The following WDPCP variants were observed in gnomAD, a reference collection of about 807,000 sequenced individuals.
WDPCP encodes the protein WD repeat containing planar cell polarity effector.
WDPCP carries 71 observed loss-of-function variants against 93.1 expected under a neutral mutation model. That is an observed-to-expected ratio of 0.76 (90% CI 0.63 to 0.93). The LOEUF is 0.93. Among genes scored for constraint, WDPCP ranks in the 40% least tolerant of loss-of-function variants. WDPCP has a pLI of 0.00. For synonymous variants in WDPCP, 315 were observed against 315.0 expected, an observed-to-expected ratio of 1.00 and a Z score of 0.00; for missense variants, 844 against 887.4, an observed-to-expected ratio of 0.95 and a Z score of 0.62.
chr2:63,671,805 T>C (rs1710351409), intron 2 of WDPCP, among the ~76,000 whole-genome samples: 1 of 152,188 alleles, frequency 6.6e-6, no homozygotes, highest in Non-Finnish European at 1.5e-5. Context: ...CAGCTCTCAA[T>C]ACTCGTTATA....
chr2:63,404,076 T>G lies in WDPCP; in HGVS notation c.1407A>C (p.Gly469=). The change falls in exon 10 of 18, where the codon GGA becomes GGC. Residue 469 remains glycine, a synonymous_variant. Coordinates refer to ENST00000272321, the MANE Select transcript of WDPCP (RefSeq NM_015910.7). ...GTTTAAACAACAGCACACCCAAAGG[T>G]CCTCTTTCAAACCTGAGGAAGAGGA... ...YDLLFLRFER[G]PLGVLLFKLG... 6.2e-7 allele frequency: 1 copy of G among 1,614,072 alleles called. No individual in the cohort carries two copies. Among genetic ancestry groups the G allele is most frequent in the Non-Finnish European group, 8.5e-7 (1 of 1,179,974 alleles).
chr2:63,503,911 A>G (rs1186534543), intron 1 of WDPCP, among the ~76,000 whole-genome samples: 1 of 151,832 alleles, frequency 6.6e-6, no homozygotes, highest in Admixed American at 6.6e-5. Flanking sequence ...TCAAATGAAA[A>G]AAAAAAAAAA....
chr2:63,524,729 A>T (rs899648531), intron 1 of WDPCP, among the ~76,000 whole-genome samples: 14 of 152,244 alleles, frequency 9.2e-5, no homozygotes, highest in African/African-American at 3.1e-4. Flanking sequence ...AAAGCAATGC[A>T]ATAAAAGCAA....
intron 2 of WDPCP, among the ~76,000 whole-genome samples, chr2:63,754,804 C>A (rs1278734588): frequency 6.6e-6 from 1 of 152,218 alleles, no homozygotes; most frequent in Non-Finnish European, 1.5e-5. Context: ...TCTGCTGCTG[C>A]ATAACAAACT....
intron 2 of WDPCP, among the ~76,000 whole-genome samples, chr2:63,782,740 A>G (rs796659590): frequency 4.1e-4 from 58 of 141,242 alleles, no homozygotes; most frequent in African/African-American, 8.5e-4. Context: ...CACAGGCAAC[A>G]TGTGTGTGTG....
chr2:63,167,668 C>T (rs1673083194), intron 15 of WDPCP, among the ~76,000 whole-genome samples: 1 of 152,094 alleles, frequency 6.6e-6, no homozygotes, highest in Non-Finnish European at 1.5e-5. Context: ...AAGTAACATA[C>T]CTTTTTTGTA....
chr2:63,758,626 G>A (rs550296466), intron 2 of WDPCP, among the ~76,000 whole-genome samples: 1 of 152,170 alleles, frequency 6.6e-6, no homozygotes, highest in East Asian at 1.9e-4. Flanking sequence ...TTTTTGTAGA[G>A]ATAGGCTTTC....
intron 1 of WDPCP, among the ~76,000 whole-genome samples, chr2:63,522,958 G>A (rs1360701595): frequency 2.0e-5 from 3 of 152,168 alleles, no homozygotes; most frequent in Non-Finnish European, 2.9e-5. Flanking sequence ...CTCATTCTAT[G>A]AGGCCAGCAT....
upstream of WDPCP, among the ~76,000 whole-genome samples, chr2:63,829,916 C>A (rs924575253): frequency 6.6e-6 from 1 of 152,074 alleles, no homozygotes; most frequent in Non-Finnish European, 1.5e-5. Context: ...GTTATTAAAT[C>A]TACACCTATT....
chr2:63,646,532 AT>A (rs1297230085), intron 3 of WDPCP, among the ~76,000 whole-genome samples: 17 of 148,330 alleles, frequency 1.1e-4, no homozygotes, highest in Middle Eastern at 3.5e-3. Context: ...GCTTGTTCAC[AT>A]TTTTTTTTTC....
intron 1 of WDPCP, among the ~76,000 whole-genome samples, chr2:63,527,325 C>G (rs1703419292): frequency 6.7e-6 from 1 of 150,108 alleles, no homozygotes; most frequent in Non-Finnish European, 1.5e-5. Flanking sequence ...CACCCATTAT[C>G]TCGTCATTTA....
chr2:63,656,945 A>G (rs569872485), intron 2 of WDPCP, among the ~76,000 whole-genome samples: 2 of 152,324 alleles, frequency 1.3e-5, no homozygotes, highest in Admixed American at 6.5e-5. Context: ...AATAACCATG[A>G]GACTATCTAG....
At chr2:63,397,434 C>T (rs768160842) in intron 10 of WDPCP, among the ~76,000 whole-genome samples, 4 of 151,984 alleles carry the variant, frequency 2.6e-5, no homozygotes, top group Admixed American at 6.6e-5. Context: ...ATTCAGCAAG[C>T]CAGATGAATA....
intron 14 of WDPCP, among the ~76,000 whole-genome samples, chr2:63,210,409 A>G (rs1676682526): frequency 6.6e-6 from 1 of 152,234 alleles, no homozygotes; most frequent in Non-Finnish European, 1.5e-5. Context: ...AATTTTTTAA[A>G]TTAAAATTTG....
chr2:63,337,609 T>G (rs1688478361), intron 12 of WDPCP, among the ~76,000 whole-genome samples: 1 of 152,212 alleles, frequency 6.6e-6, no homozygotes, highest in South Asian at 2.1e-4. Context: ...CTATACTAAT[T>G]TACATTCTCA....
At chr2:63,178,474 T>G (rs945411402) in intron 14 of WDPCP, among the ~76,000 whole-genome samples, 2 of 152,184 alleles carry the variant, frequency 1.3e-5, no homozygotes, top group African/African-American at 4.8e-5. Flanking sequence ...TTATGTAAGT[T>G]TTCCAGTTTG....
chr2:63,794,450 A>G (rs1670587363), intron 2 of WDPCP, among the ~76,000 whole-genome samples: 1 of 152,252 alleles, frequency 6.6e-6, no homozygotes, highest in African/African-American at 2.4e-5. Context: ...TATCTAGGCC[A>G]ATGAGCCATG....
intron 12 of WDPCP, chr2:63,369,475 G>T (rs769838705): frequency 6.6e-6 from 3 of 456,618 alleles, no homozygotes; most frequent in Middle Eastern, 3.3e-4. Context: ...AAAAGTACCA[G>T]AGAAGACAGC....
chr2:63,211,175 C>A (rs1005556316), intron 14 of WDPCP, among the ~76,000 whole-genome samples: 1 of 152,316 alleles, frequency 6.6e-6, no homozygotes, highest in Admixed American at 6.5e-5. Context: ...GGGTCCCTGA[C>A]CCCCGAGTAG....
Sources: allele counts gnomAD v4.1 joint callset (sites outside exome capture counted in the v4.1 genomes callset), GRCh38; gene constraint gnomAD v4.1.1; transcripts MANE v1.5; gene names NCBI Gene and HGNC (gene_info 2026-07-23, HGNC 2026-07-21).